The following PSD3 variants were observed in gnomAD, a reference collection of about 807,000 sequenced individuals.
The protein encoded by PSD3 is pleckstrin and Sec7 domain containing 3, also known as PH and SEC7 domain-containing protein 3.
In PSD3, 49 loss-of-function variants were observed where a neutral mutation model predicts 105.5. That is an observed-to-expected ratio of 0.46 (90% CI 0.37 to 0.59). PSD3 has a LOEUF of 0.59. Among genes scored for constraint, PSD3 ranks in the 20% least tolerant of loss-of-function variants. The probability of loss-of-function intolerance (pLI) is 0.00; values close to 1 mark genes in which losing one functional copy is unlikely to be tolerated. For missense variants in PSD3, 1,561 were observed against 1,263.8 expected, an observed-to-expected ratio of 1.24 and a Z score of -3.57; for synonymous variants, 557 against 457.8, an observed-to-expected ratio of 1.22 and a Z score of -2.77.
chr8:18,589,789 A>C (rs1043400184), intron 12 of PSD3, among the ~76,000 whole-genome samples: 1 of 152,138 alleles, frequency 6.6e-6, no homozygotes, highest in Non-Finnish European at 1.5e-5. Context: ...AGAAAAGACA[A>C]AGAAACTCTG....
intron 11 of PSD3, among the ~76,000 whole-genome samples, chr8:18,626,744 G>A (rs1433881117): frequency 6.6e-6 from 1 of 152,110 alleles, no homozygotes; most frequent in Non-Finnish European, 1.5e-5. Flanking sequence ...AGAAGGAGCA[G>A]CAGCCAAATA....
chr8:18,975,421 G>A (rs540924139), intron 1 of PSD3, among the ~76,000 whole-genome samples: 3 of 151,984 alleles, frequency 2.0e-5, no homozygotes, highest in South Asian at 4.1e-4. Flanking sequence ...TAATTGGTGG[G>A]ATGGAAGGCA....
chr8:19,020,037 T>A (rs1827313086), intron 1 of PSD3, among the ~76,000 whole-genome samples: 1 of 152,114 alleles, frequency 6.6e-6, no homozygotes, highest in Admixed American at 6.6e-5. Flanking sequence ...TAATAAAGGT[T>A]CAGTTTATTT....
intron 11 of PSD3, among the ~76,000 whole-genome samples, chr8:18,600,926 C>G (rs1441554601): frequency 6.6e-6 from 1 of 152,182 alleles, no homozygotes; most frequent in African/African-American, 2.4e-5. Flanking sequence ...CCATACCCCC[C>G]TCAACCAGAG....
Position 18,626,721 on chromosome 8 carries a change from T to C in PSD3, c.2410+5892A>G, listed in dbSNP as rs111430242. Among the ~76,000 whole-genome samples the C allele has an allele frequency of 2.4e-3, 370 of 152,268 alleles. 3 individuals are homozygous for C. The highest frequency in any genetic ancestry group is 8.6e-3 in the African/African-American group (357 of 41,572). ...ACATTCAGAAACAATTAAGGCATTC[T>C]GGTAGATTTCCAAGAAGGAGCAGCA... On this transcript the variant is annotated intron_variant, in intron 11 of 15. Transcript: ENST00000327040.
chr8:18,630,872 T>C (rs1806847814), intron 11 of PSD3, among the ~76,000 whole-genome samples: 1 of 151,700 alleles, frequency 6.6e-6, no homozygotes, highest in African/African-American at 2.4e-5. Context: ...TTAGATATTA[T>C]AAGTAATCCA....
rs1171456419 is a variant in PSD3 at position 18,787,746 on chromosome 8, CATTA to C, written c.2082+11545_2082+11548del. 3.2e-4 allele frequency among the ~76,000 whole-genome samples: 49 copies of C among 152,292 alleles called. 2 individuals are homozygous for C. In the East Asian group the frequency reaches 9.3e-3, roughly 29 times the overall value. Reference sequence around the variant, plus strand: ...CTCTGTTTGTGTTCGTTTAAAGATACATTAAATGCCCTTTAGAGCAAAGTTCCTT... The same window carrying C: ...CTCTGTTTGTGTTCGTTTAAAGATACAATGCCCTTTAGAGCAAAGTTCCTT... On this transcript the variant is annotated intron_variant, in intron 8 of 15. Transcript: ENST00000327040.
At chr8:18,969,530 T>G (rs1003342459) in intron 1 of PSD3, among the ~76,000 whole-genome samples, 1 of 152,240 alleles carries the variant, frequency 6.6e-6, no homozygotes, top group African/African-American at 2.4e-5. Flanking sequence ...ACCAACAACT[T>G]TTTATTAGTG....
intron 4 of PSD3, among the ~76,000 whole-genome samples, chr8:18,846,289 A>G (rs1815084120): frequency 6.6e-6 from 1 of 152,222 alleles, no homozygotes; most frequent in Admixed American, 6.5e-5. Flanking sequence ...CCTCACTCCA[A>G]GGCTCAAGGG....
intron 2 of PSD3, among the ~76,000 whole-genome samples, chr8:18,882,692 C>T (rs1332408854): frequency 6.6e-6 from 1 of 152,020 alleles, no homozygotes; most frequent in East Asian, 1.9e-4. Flanking sequence ...CCACAGAAGC[C>T]TATTTACATT....
intron 2 of PSD3, among the ~76,000 whole-genome samples, chr8:18,935,100 T>C (rs1409528706): frequency 6.6e-6 from 1 of 152,152 alleles, no homozygotes; most frequent in Admixed American, 6.5e-5. Context: ...TATAAGGTGA[T>C]TGTGATGATT....
At chr8:19,005,298 T>C (rs1041965660) in intron 1 of PSD3, among the ~76,000 whole-genome samples, 2 of 152,028 alleles carry the variant, frequency 1.3e-5, no homozygotes, top group African/African-American at 2.4e-5. Flanking sequence ...TGCTACTTCA[T>C]GGATGAGCAC....
intron 1 of PSD3, among the ~76,000 whole-genome samples, chr8:19,042,946 G>A (rs1828176338): frequency 1.3e-5 from 2 of 152,136 alleles, no homozygotes; most frequent in South Asian, 4.1e-4. Flanking sequence ...CCAGTGAGCT[G>A]GCCAACAATA....
At chr8:18,751,689 ACCT>A (rs1452787988) in intron 9 of PSD3, among the ~76,000 whole-genome samples, 1 of 149,144 alleles carries the variant, frequency 6.7e-6, no homozygotes, top group Admixed American at 6.7e-5. Flanking sequence ...CACTTAACAC[ACCT>A]CATCATATTT....
intron 1 of PSD3, among the ~76,000 whole-genome samples, chr8:18,975,465 C>A (rs1157916298): frequency 1.3e-5 from 2 of 152,024 alleles, no homozygotes; most frequent in Admixed American, 6.6e-5. Flanking sequence ...GCGTTTGTAG[C>A]CGATTTCTGC....
intron 10 of PSD3, among the ~76,000 whole-genome samples, chr8:18,650,959 T>C (rs1229993950): frequency 6.6e-6 from 1 of 152,202 alleles, no homozygotes; most frequent in Admixed American, 6.5e-5. Context: ...CTTCCCACCA[T>C]ACTGGACTTG....
At chr8:18,726,036 T>C (rs758468522) in intron 9 of PSD3, among the ~76,000 whole-genome samples, 7 of 152,170 alleles carry the variant, frequency 4.6e-5, no homozygotes. Context: ...GCCATACTTA[T>C]CTCTCAGCCA....
chr8:19,008,568 A>G (rs80027157), intron 1 of PSD3, among the ~76,000 whole-genome samples: 14,008 of 152,218 alleles, frequency 0.092, 700 homozygotes, highest in African/African-American at 0.12. Flanking sequence ...CAAGTTTTTG[A>G]AAATCTACAT....
intron 14 of PSD3, among the ~76,000 whole-genome samples, chr8:18,557,098 T>C (rs1238949611): frequency 6.6e-6 from 1 of 152,248 alleles, no homozygotes; most frequent in Non-Finnish European, 1.5e-5. Flanking sequence ...AGCAATAGGC[T>C]ACCCAAAAAG....
Sources: allele counts gnomAD v4.1 joint callset (sites outside exome capture counted in the v4.1 genomes callset), GRCh38; gene constraint gnomAD v4.1.1; transcripts MANE v1.5; gene names NCBI Gene and HGNC (gene_info 2026-07-23, HGNC 2026-07-21).